Variants in MACROD2 observed in about 807,000 individuals in gnomAD.
The protein encoded by MACROD2 is ADP-ribose glycohydrolase MACROD2.
In MACROD2, 36 loss-of-function variants were observed where a neutral mutation model predicts 70.4. The observed-to-expected ratio is 0.51, with a 90% CI of 0.39 to 0.68. The LOEUF is 0.68. Ranked by LOEUF, MACROD2 falls within the 30% of genes least tolerant of loss-of-function variation. The probability of loss-of-function intolerance (pLI) is 0.00; values close to 1 mark genes in which losing one functional copy is unlikely to be tolerated. For missense variants in MACROD2, 496 were observed against 538.4 expected (o/e 0.92, Z 0.78); for synonymous variants, 172 against 178.8 (o/e 0.96, Z 0.30).
intron 5 of MACROD2, among the ~76,000 whole-genome samples, chr20:15,098,899 G>A (rs144473162): frequency 8.7e-4 from 133 of 152,318 alleles, no homozygotes; most frequent in African/African-American, 2.3e-3. Context: ...AATTTTCTCC[G>A]TAGAAAATTG....
intron 3 of MACROD2, among the ~76,000 whole-genome samples, chr20:14,379,337 C>G (rs924507163): frequency 6.6e-6 from 1 of 152,094 alleles, no homozygotes; most frequent in Admixed American, 6.5e-5. Context: ...TTTTTGTTGA[C>G]ATAAATTTTT....
intron 1 of MACROD2, among the ~76,000 whole-genome samples, 184 bp from the exon 2 acceptor site, chr20:14,002,104 C>A (rs532191973): frequency 4.6e-5 from 7 of 151,544 alleles, no homozygotes; most frequent in Admixed American, 2.0e-4. Context: ...ATTTTTTTCT[C>A]CCCTGGTAAT....
intron 5 of MACROD2, among the ~76,000 whole-genome samples, chr20:14,714,642 GC>G (rs369929639): frequency 8.5e-5 from 13 of 152,086 alleles, no homozygotes; most frequent in South Asian, 4.2e-4. Context: ...TGTTCAACAT[GC>G]CCCCTCTCAT....
intron 5 of MACROD2, among the ~76,000 whole-genome samples, chr20:14,719,867 G>C (rs372363268): frequency 1.3e-5 from 2 of 152,282 alleles, no homozygotes; most frequent in East Asian, 1.9e-4. Context: ...AGTCCCACCA[G>C]AGCATTGGCC....
intron 8 of MACROD2, among the ~76,000 whole-genome samples, chr20:15,507,659 T>G (rs2047445435): frequency 6.6e-6 from 1 of 152,134 alleles, no homozygotes; most frequent in Non-Finnish European, 1.5e-5. Flanking sequence ...AGGCAGCTTC[T>G]CCCCTTCTGA....
At chr20:14,774,575 A>C (rs920752067) in intron 5 of MACROD2, among the ~76,000 whole-genome samples, 1 of 152,088 alleles carries the variant, frequency 6.6e-6, no homozygotes, top group East Asian at 1.9e-4. Flanking sequence ...GAGGACACAT[A>C]AAATATAAAG....
At chr20:14,607,338 C>G (rs565597794) in intron 4 of MACROD2, among the ~76,000 whole-genome samples, 3 of 152,078 alleles carry the variant, frequency 2.0e-5, no homozygotes, top group Non-Finnish European at 4.4e-5. Flanking sequence ...TCATAAAATC[C>G]AAACAGTCTG....
At chr20:14,388,658 C>T (rs1313178173) in intron 3 of MACROD2, among the ~76,000 whole-genome samples, 4 of 152,130 alleles carry the variant, frequency 2.6e-5, no homozygotes, top group Admixed American at 2.6e-4. Context: ...AATTGTCTGT[C>T]AGAACTAGCA....
At chr20:14,653,465 G>A (rs1353554130) in intron 4 of MACROD2, among the ~76,000 whole-genome samples, 3 of 151,250 alleles carry the variant, frequency 2.0e-5, no homozygotes, top group Non-Finnish European at 1.5e-5. Context: ...TGATCTTCCC[G>A]CCTCGGCCTC....
intron 3 of MACROD2, among the ~76,000 whole-genome samples, chr20:14,334,622 G>A (rs557080762): frequency 2.8e-5 from 4 of 141,538 alleles, no homozygotes; most frequent in Admixed American, 7.2e-5. Context: ...AAAGCCTCCC[G>A]TTGAGAAGAA....
chr20:15,252,614 C>T (rs1245448386), intron 6 of MACROD2, among the ~76,000 whole-genome samples: 1 of 152,180 alleles, frequency 6.6e-6, no homozygotes, highest in East Asian at 1.9e-4. Flanking sequence ...GAGGGATAAT[C>T]CTCCCTCAGG....
At chr20:15,643,928 A>T (rs2049500810) in intron 8 of MACROD2, among the ~76,000 whole-genome samples, 1 of 152,172 alleles carries the variant, frequency 6.6e-6, no homozygotes, top group African/African-American at 2.4e-5. Flanking sequence ...TCCAGCCATC[A>T]CTTCTGTTTC....
intron 3 of MACROD2, among the ~76,000 whole-genome samples, chr20:14,354,436 T>C (rs562909982): frequency 6.5e-4 from 99 of 152,328 alleles, no homozygotes; most frequent in African/African-American, 2.2e-3. Context: ...ACAGGTTTTT[T>C]TTCTATTTCT....
chr20:15,645,597 A>G (rs942694561), intron 8 of MACROD2, among the ~76,000 whole-genome samples: 2 of 152,240 alleles, frequency 1.3e-5, no homozygotes, highest in Non-Finnish European at 2.9e-5. Context: ...GGAGAGATGA[A>G]TATTACAGAA....
rs868128440 is a variant in MACROD2, at chr20:14,806,393, C to T, written c.418+121434C>T. 3.1e-4 allele frequency among the ~76,000 whole-genome samples: 47 copies of T among 152,162 alleles called. No homozygotes were observed. In the Middle Eastern group the frequency reaches 0.01, roughly 33 times the overall value. ...TCTAGCCAAGGGAAGTCTTGAGGGA[C>T]GGTGCTATCCAGCCCAGATACTATG... On this transcript the variant is annotated intron_variant, in intron 5 of 17. Coordinates refer to ENST00000684519, the MANE Select transcript of MACROD2 (RefSeq NM_001351661.2).
At chr20:14,456,810 G>T (rs537967834) in intron 3 of MACROD2, among the ~76,000 whole-genome samples, 1 of 137,378 alleles carries the variant, frequency 7.3e-6, no homozygotes, top group Admixed American at 8.4e-5. Flanking sequence ...CCCGCCTCCC[G>T]GGTTCACGCC....
intron 8 of MACROD2, among the ~76,000 whole-genome samples, chr20:15,659,082 T>C (rs898840975): frequency 1.3e-5 from 2 of 152,198 alleles, no homozygotes; most frequent in African/African-American, 4.8e-5. Flanking sequence ...GGATGGAATA[T>C]AGTGAGATAT....
chr20:15,127,421 A>G (rs1382448647), intron 5 of MACROD2, among the ~76,000 whole-genome samples: 1 of 152,106 alleles, frequency 6.6e-6, no homozygotes, highest in Non-Finnish European at 1.5e-5. Flanking sequence ...AAAATAATAA[A>G]TATTTATTAT....
At chr20:14,161,249 ATGATCTCGG>A (rs2055183801) in intron 3 of MACROD2, among the ~76,000 whole-genome samples, 2 of 145,104 alleles carry the variant, frequency 1.4e-5, no homozygotes, top group African/African-American at 5.2e-5. Context: ...GTGCAGTGGC[ATGATCTCGG>A]CTCACTGCAA....
Sources: allele counts gnomAD v4.1 joint callset (sites outside exome capture counted in the v4.1 genomes callset), GRCh38; gene constraint gnomAD v4.1.1; transcripts MANE v1.5; gene names NCBI Gene and HGNC (gene_info 2026-07-23, HGNC 2026-07-21).